Variants in TPP2 observed in about 807,000 individuals in gnomAD.
TPP2 encodes the protein tripeptidyl peptidase 2, also known as tripeptidyl-peptidase 2.
In TPP2, 34 loss-of-function variants were observed where a neutral mutation model predicts 155.9. The observed-to-expected ratio is 0.22, with a 90% confidence interval of 0.17 to 0.29. The LOEUF is 0.29. Among genes scored for constraint, TPP2 ranks in the 10% least tolerant of loss-of-function variants. The pLI, the probability that TPP2 is intolerant of heterozygous loss-of-function variation, is 1.00. For synonymous variants in TPP2, 510 were observed against 529.4 expected (o/e 0.96, Z 0.50); for missense variants, 1,028 against 1,522.3 (o/e 0.68, Z 5.40).
At chr13:102,674,260 A>G (rs202014085) in intron 27 of TPP2, 23 bp from the exon 28 acceptor site, 753 of 1,592,988 alleles carry the variant, frequency 4.7e-4, no homozygotes, top group Non-Finnish European at 5.9e-4. Context: ...GATATCTGAA[A>G]TATTTTTTAA....
At chr13:102,645,331 G>T (rs1265498472) in intron 19 of TPP2, among the ~76,000 whole-genome samples, 1 of 152,192 alleles carries the variant, frequency 6.6e-6, no homozygotes, top group Non-Finnish European at 1.5e-5. Context: ...TCCTAATGCA[G>T]TCATTTTTAG....
At chr13:102,642,831 T>C (rs1282073479) in intron 16 of TPP2, among the ~76,000 whole-genome samples, 4 of 152,166 alleles carry the variant, frequency 2.6e-5, no homozygotes, top group Non-Finnish European at 5.9e-5. Context: ...AAATAGAGGT[T>C]TCCAAAAATA....
At chr13:102,651,256 AAC>A in intron 23 of TPP2, 101 bp from the exon 24 acceptor site, 1 of 1,335,998 alleles carries the variant, frequency 7.5e-7, no homozygotes, top group Non-Finnish European at 1.0e-6. Flanking sequence ...TAAGTGGTGT[AAC>A]ACAGGTGGAA....
chr13:102,654,903 CA>C (rs1467877989), intron 24 of TPP2: 8 of 464,304 alleles, frequency 1.7e-5, no homozygotes, highest in Non-Finnish European at 3.0e-5. Context: ...AGTGCCTACC[CA>C]GAGAGTGAAC....
At chr13:102,646,473 C>A (rs1020823936) in intron 20 of TPP2, 83 bp downstream of exon 20, 10 of 1,012,030 alleles carry the variant, frequency 9.9e-6, no homozygotes, top group South Asian at 1.6e-5. Context: ...AATGGAAGGA[C>A]AGTGTATATG....
intron 6 of TPP2, among the ~76,000 whole-genome samples, chr13:102,624,237 C>G (rs1881391300): frequency 6.6e-6 from 1 of 152,144 alleles, no homozygotes; most frequent in Admixed American, 6.5e-5. Context: ...TGCACACCAG[C>G]TCCAGGATGG....
At chr13:102,653,236 G>GA (rs534269401) in intron 24 of TPP2, among the ~76,000 whole-genome samples, 78 of 152,080 alleles carry the variant, frequency 5.1e-4, no homozygotes, top group African/African-American at 1.8e-3. Context: ...ACATTACAAA[G>GA]AAAAAAATAC....
intron 1 of TPP2, among the ~76,000 whole-genome samples, 154 bp downstream of exon 1, chr13:102,597,357 G>A (rs1278111619): frequency 4.6e-5 from 7 of 152,144 alleles, no homozygotes; most frequent in African/African-American, 1.4e-4. Flanking sequence ...GTCAGAGCCA[G>A]GCGCGGGAGG....
At chr13:102,676,172 A>T (rs973988447) in intron 28 of TPP2, 124 bp from the exon 29 acceptor site, 2 of 875,260 alleles carry the variant, frequency 2.3e-6, no homozygotes, top group Admixed American at 3.6e-5. Context: ...TTAAAAATGT[A>T]CTCTATGTAC....
chr13:102,614,733 GA>G (rs1880589841), intron 3 of TPP2, among the ~76,000 whole-genome samples: 1 of 152,178 alleles, frequency 6.6e-6, no homozygotes, highest in Non-Finnish European at 1.5e-5. Context: ...TAAGCAGAAT[GA>G]TAAAGAGCCT....
intron 13 of TPP2, among the ~76,000 whole-genome samples, chr13:102,636,614 A>C (rs907326664): frequency 2.0e-5 from 3 of 152,242 alleles, no homozygotes; most frequent in Non-Finnish European, 4.4e-5. Context: ...GGAAAACAGT[A>C]GAATGAGCCT....
chr13:102,624,852 C>CTTTTTTTT (rs1029486604), intron 6 of TPP2, among the ~76,000 whole-genome samples: 16 of 83,426 alleles, frequency 1.9e-4, no homozygotes, highest in Non-Finnish European at 2.6e-4. Context: ...TTTTTTTTTC[C>CTTTTTTTT]TTTTTTTTTT....
rs1031663627 is a variant in TPP2, at chr13:102,674,363, C to T, written c.3452C>T (p.Thr1151Ile). The part of the protein sequence containing the change: ...GCALADHLLH[T>I]QAQDGAISTD... ...GCCCTGGCAGACCATCTTCTTCACA[C>T]CCAGGCTCAAGACGGAGCCATTTCC... The change falls in exon 28 of 30, where the codon ACC becomes ATC. Residue 1151 changes from threonine to isoleucine, a missense_variant. By Grantham distance (89) the Thr-to-Ile change is moderately conservative. This residue lies in a region of TPP2 where 116 missense variants were observed against 117.3 expected (regional missense o/e 0.99). Coordinates refer to ENST00000376052, the MANE Select transcript of TPP2 (RefSeq NM_001330588.2). 35 of 1,613,820 alleles carry T rather than the reference C, an allele frequency of 2.2e-5. No individual in the cohort carries two copies. Among genetic ancestry groups the T allele is most frequent in the Non-Finnish European group, 2.8e-5 (33 of 1,179,876 alleles).
At position 102,633,944 on chromosome 13, in the gene TPP2, AT is replaced by A; in HGVS notation, c.1245-3del. The A allele has an allele frequency of 1.2e-6, 2 of 1,613,950 alleles. No individual in the cohort carries two copies. Among genetic ancestry groups the A allele is most frequent in the Non-Finnish European group, 1.7e-6 (2 of 1,179,890 alleles). On this transcript the variant is annotated splice_region_variant and splice_polypyrimidine_tract_variant and intron_variant, in intron 10 of 29. Transcript: ENST00000376052. Reference sequence around the variant, plus strand: ...CCTAAGCAAACTTCAATGGCTTTCCATTTAGTGCTGACGGGGCCCTTGGTGT... The same window carrying A: ...CCTAAGCAAACTTCAATGGCTTTCCATTAGTGCTGACGGGGCCCTTGGTGT...
At chr13:102,638,177 C>G in intron 14 of TPP2, 62 bp from the exon 15 acceptor site, 86 of 1,451,832 alleles carry the variant, frequency 5.9e-5, no homozygotes, top group Non-Finnish European at 7.8e-5. Context: ...TAGTTTAGAC[C>G]TTCCCCCGCT....
chr13:102,597,144 C>A lies in TPP2; in HGVS notation c.106C>A (p.Arg36=). Residue 36 remains arginine (R), a synonymous_variant, in exon 1 of 30, where the codon CGG becomes AGG. Coordinates refer to ENST00000376052, the MANE Select transcript of TPP2 (RefSeq NM_001330588.2). ...FLCRYPEYDG[R]GVLIAVLDTG... ...CTGCCGCTACCCGGAGTATGATGGG[C>A]GGGGGGTGCTCATCGCAGTCCTGGA... The A allele has an allele frequency of 6.2e-7, 1 of 1,608,844 alleles. No individual in the cohort carries two copies. The highest frequency in any genetic ancestry group is 8.5e-7 in the Non-Finnish European group (1 of 1,178,334).
intron 22 of TPP2, 30 bp downstream of exon 22, chr13:102,649,181 C>T (rs1269892177): frequency 6.4e-7 from 1 of 1,572,890 alleles, no homozygotes; most frequent in Admixed American, 1.8e-5. Flanking sequence ...ATACTTACTG[C>T]CCATCGTATA....
At chr13:102,646,231 GTTTTA>G (rs1883091344) in intron 19 of TPP2, 58 bp from the exon 20 acceptor site, 7 of 1,392,932 alleles carry the variant, frequency 5.0e-6, no homozygotes, top group Non-Finnish European at 6.9e-6. Flanking sequence ...GTTGCATATG[GTTTTA>G]TTTGTCTCAT....
intron 29 of TPP2, among the ~76,000 whole-genome samples, chr13:102,677,210 G>C (rs768695971): frequency 1.3e-5 from 2 of 152,080 alleles, no homozygotes; most frequent in Admixed American, 6.5e-5. Flanking sequence ...CCAGATCTTT[G>C]ACTAGATTAA....
Sources: allele counts gnomAD v4.1 joint callset (sites outside exome capture counted in the v4.1 genomes callset), GRCh38; gene constraint gnomAD v4.1.1; regional missense constraint gnomAD v4.1.1; transcripts MANE v1.5; gene names NCBI Gene and HGNC (gene_info 2026-07-23, HGNC 2026-07-21).